Variants in GRIN2A observed in about 807,000 individuals in gnomAD.
GRIN2A encodes glutamate receptor ionotropic, NMDA 2A.
In GRIN2A, 22 loss-of-function variants were observed where a neutral mutation model predicts 113.4. The observed-to-expected ratio is 0.19, with a 90% CI of 0.14 to 0.28. The LOEUF is 0.28. Among genes scored for constraint, GRIN2A ranks in the 10% least tolerant of loss-of-function variants. The pLI is 1.00. For missense variants in GRIN2A, 1,502 were observed against 1,887.0 expected, an observed-to-expected ratio of 0.80 and a Z score of 3.78; for synonymous variants, 827 against 738.4, an observed-to-expected ratio of 1.12 and a Z score of -1.94.
chr16:10,062,046 T>C (rs983340817), intron 2 of GRIN2A, among the ~76,000 whole-genome samples: 3 of 152,094 alleles, frequency 2.0e-5, no homozygotes, highest in African/African-American at 7.2e-5. Context: ...GAGGATCAGA[T>C]AGGGTAATGG....
chr16:9,943,459 C>A (rs1380753405), intron 2 of GRIN2A, among the ~76,000 whole-genome samples: 1 of 152,166 alleles, frequency 6.6e-6, no homozygotes, highest in Non-Finnish European at 1.5e-5. Flanking sequence ...TGTTCCAGAG[C>A]TTGCTCGGTC....
chr16:10,067,150 C>T (rs2047665495), intron 2 of GRIN2A, among the ~76,000 whole-genome samples: 1 of 152,188 alleles, frequency 6.6e-6, no homozygotes, highest in African/African-American at 2.4e-5. Flanking sequence ...GTTCTATTCT[C>T]TTTCTTCATC....
chr16:10,006,338 G>T (rs1339715117), intron 2 of GRIN2A, among the ~76,000 whole-genome samples: 5 of 152,150 alleles, frequency 3.3e-5, no homozygotes, highest in African/African-American at 1.2e-4. Flanking sequence ...GACTTTTTTA[G>T]ACAGTGAGAA....
At chr16:9,785,229 C>T (rs1481809024) in intron 11 of GRIN2A, among the ~76,000 whole-genome samples, 1 of 151,934 alleles carries the variant, frequency 6.6e-6, no homozygotes, top group Non-Finnish European at 1.5e-5. Context: ...GAAAATGTGG[C>T]ACATATACAA....
chr16:10,006,440 C>G (rs2046405841), intron 2 of GRIN2A, among the ~76,000 whole-genome samples: 1 of 152,188 alleles, frequency 6.6e-6, no homozygotes, highest in Non-Finnish European at 1.5e-5. Context: ...AGATGACATT[C>G]TGGCTGTGGC....
At chr16:9,995,458 TTGG>T (rs1012492736) in intron 2 of GRIN2A, among the ~76,000 whole-genome samples, 1 of 152,146 alleles carries the variant, frequency 6.6e-6, no homozygotes, top group Non-Finnish European at 1.5e-5. Context: ...GTTGTTGTCG[TTGG>T]TGGTGGTGGT....
intron 2 of GRIN2A, among the ~76,000 whole-genome samples, chr16:9,996,997 T>A (rs1440377149): frequency 6.6e-6 from 1 of 152,212 alleles, no homozygotes; most frequent in African/African-American, 2.4e-5. Context: ...ACTTAAGTCA[T>A]GCTCTTTCGT....
At chr16:9,879,385 A>G (rs2043433966) in intron 4 of GRIN2A, among the ~76,000 whole-genome samples, 1 of 152,178 alleles carries the variant, frequency 6.6e-6, no homozygotes. Context: ...ATCTGAAAAT[A>G]CCTAATTAGA....
chr16:10,039,119 A>C (rs1180861138), intron 2 of GRIN2A, among the ~76,000 whole-genome samples: 1 of 152,140 alleles, frequency 6.6e-6, no homozygotes, highest in Non-Finnish European at 1.5e-5. Flanking sequence ...CAGGGAGCAG[A>C]CATCCCCTCC....
rs17794122 is a variant in GRIN2A at position 9,821,580 on chromosome 16, C to G, written c.2168+684G>C. Among the ~76,000 whole-genome samples, 1,116 of 152,290 alleles carry G rather than the reference C, an allele frequency of 7.3e-3. 3 individuals carry two copies. Among genetic ancestry groups the G allele is most frequent in the Non-Finnish European group, 0.011 (756 of 68,020 alleles). On this transcript the variant is annotated intron_variant, in intron 10 of 12. Transcript: ENST00000330684. Reference sequence around the variant, plus strand: ...ATTTAGGTACTGTCTATTTCCCATCCAAAAGGCTTTCCATCAGATTTTCTC... The same window carrying G: ...ATTTAGGTACTGTCTATTTCCCATCGAAAAGGCTTTCCATCAGATTTTCTC...
chr16:10,013,574 T>C (rs565103179), intron 2 of GRIN2A, among the ~76,000 whole-genome samples: 39 of 152,334 alleles, frequency 2.6e-4, no homozygotes, highest in Admixed American at 2.5e-3. Flanking sequence ...TCATGCCCTC[T>C]GCCTTTCTTC....
chr16:9,805,758 G>T (rs772085396), intron 10 of GRIN2A, among the ~76,000 whole-genome samples: 1 of 152,148 alleles, frequency 6.6e-6, no homozygotes, highest in Non-Finnish European at 1.5e-5. Flanking sequence ...AGATTATCTG[G>T]CAGTGGTGGT....
intron 3 of GRIN2A, among the ~76,000 whole-genome samples, chr16:9,922,749 A>G (rs965600636): frequency 8.6e-5 from 13 of 150,450 alleles, no homozygotes; most frequent in Non-Finnish European, 7.4e-5. Context: ...TCTTTTACCC[A>G]TAGGTTATTT....
rs186919162 is a variant in GRIN2A at position 9,973,950 on chromosome 16, C to A, written c.415-35399G>T. Among the ~76,000 whole-genome samples the A allele has an allele frequency of 5.1e-3, 779 of 152,172 alleles. 5 individuals are homozygous for A. Among genetic ancestry groups the A allele is most frequent in the African/African-American group, 0.018 (756 of 41,518 alleles). Reference sequence around the variant, plus strand: ...CAAGCTGATACAAGAGAAAATAATACCAGAAGAAAACTCTAATTCCTTCAG... The same window carrying A: ...CAAGCTGATACAAGAGAAAATAATAACAGAAGAAAACTCTAATTCCTTCAG... On this transcript the variant is annotated intron_variant, in intron 2 of 12. Coordinates refer to ENST00000330684, the MANE Select transcript of GRIN2A (RefSeq NM_001134407.3).
At chr16:9,841,634 CA>C (rs2042681444) in intron 5 of GRIN2A, among the ~76,000 whole-genome samples, 1 of 152,156 alleles carries the variant, frequency 6.6e-6, no homozygotes, top group African/African-American at 2.4e-5. Context: ...ACCCAGACAA[CA>C]CCTCAGCCAA....
intron 10 of GRIN2A, 36 bp downstream of exon 10, chr16:9,822,228 G>A (rs749491273): frequency 3.1e-6 from 5 of 1,606,282 alleles, no homozygotes; most frequent in East Asian, 2.2e-5. Context: ...TTTATCGCTC[G>A]CAGACCTGTG....
intron 10 of GRIN2A, among the ~76,000 whole-genome samples, chr16:9,813,654 T>C (rs1267785573): frequency 1.3e-5 from 2 of 151,420 alleles, no homozygotes; most frequent in Non-Finnish European, 2.9e-5. Context: ...AACGTTGTTT[T>C]AATAGAGCTT....
chr16:10,104,416 G>C (rs1488772272), intron 2 of GRIN2A, among the ~76,000 whole-genome samples: 4 of 152,182 alleles, frequency 2.6e-5, no homozygotes, highest in Non-Finnish European at 5.9e-5. Flanking sequence ...AGGAGGACCA[G>C]TTTGAAGAAA....
At chr16:9,934,311 T>C (rs954359674) in intron 3 of GRIN2A, among the ~76,000 whole-genome samples, 4 of 152,216 alleles carry the variant, frequency 2.6e-5, no homozygotes, top group South Asian at 4.1e-4. Context: ...AGAGAAATTA[T>C]ATCTTAATTC....
Sources: allele counts gnomAD v4.1 joint callset (sites outside exome capture counted in the v4.1 genomes callset), GRCh38; gene constraint gnomAD v4.1.1; transcripts MANE v1.5; gene names NCBI Gene and HGNC (gene_info 2026-07-23, HGNC 2026-07-21).